The following GLI2 variants were observed in gnomAD, a reference collection of about 807,000 sequenced individuals.
The protein encoded by GLI2 is GLI family zinc finger 2.
A neutral mutation model predicts 78.9 loss-of-function variants in GLI2; 22 were observed. The ratio of observed to expected loss-of-function variants is 0.28; its 90% confidence interval spans 0.20 to 0.40. GLI2 has a LOEUF of 0.40. Among genes scored for constraint, GLI2 ranks in the 10% least tolerant of loss-of-function variants. GLI2 has a pLI of 1.00. For synonymous variants in GLI2, 974 were observed against 963.7 expected (o/e 1.01, Z -0.20); for missense variants, 2,097 against 2,213.2 (o/e 0.95, Z 1.05).
At chr2:120,927,996 C>T (rs1679771933) in intron 3 of GLI2, among the ~76,000 whole-genome samples, 1 of 152,194 alleles carries the variant, frequency 6.6e-6, no homozygotes, top group Non-Finnish European at 1.5e-5. Context: ...TGGTCTCCAC[C>T]TGCCTAACCC....
chr2:120,860,231 T>C (rs529404696), intron 2 of GLI2, among the ~76,000 whole-genome samples: 6 of 152,042 alleles, frequency 3.9e-5, no homozygotes, highest in African/African-American at 1.4e-4. Flanking sequence ...CAGTTTCAGG[T>C]GTTTAGAGTA....
At chr2:120,743,827 A>G (rs1682621153) in intron 1 of GLI2, among the ~76,000 whole-genome samples, 1 of 152,208 alleles carries the variant, frequency 6.6e-6, no homozygotes, top group South Asian at 2.1e-4. Flanking sequence ...CACCCTGCCC[A>G]CTGGACAGCC....
At chr2:120,887,886 G>T (rs894444323) in intron 2 of GLI2, among the ~76,000 whole-genome samples, 4 of 152,198 alleles carry the variant, frequency 2.6e-5, no homozygotes, top group African/African-American at 7.2e-5. Flanking sequence ...TATGACAGGC[G>T]CTAAGAAGCT....
At chr2:120,977,711 C>G (rs1682522984) in intron 9 of GLI2, among the ~76,000 whole-genome samples, 1 of 152,188 alleles carries the variant, frequency 6.6e-6, no homozygotes, top group Non-Finnish European at 1.5e-5. Context: ...CGCTGGCTGT[C>G]CCAACTCACT....
intron 5 of GLI2, among the ~76,000 whole-genome samples, chr2:120,962,588 C>T (rs573300244): frequency 6.6e-6 from 1 of 152,318 alleles, no homozygotes; most frequent in South Asian, 2.1e-4. Context: ...TGGCCAGTCA[C>T]CCGTGGCCGA....
intron 2 of GLI2, among the ~76,000 whole-genome samples, chr2:120,912,492 G>T (rs1443033128): frequency 6.6e-6 from 1 of 152,120 alleles, no homozygotes; most frequent in East Asian, 1.9e-4. Flanking sequence ...CCTGCTGGTG[G>T]ACACCGTATC....
At chr2:120,897,410 G>A (rs564094432) in intron 2 of GLI2, among the ~76,000 whole-genome samples, 4 of 152,318 alleles carry the variant, frequency 2.6e-5, no homozygotes, top group Admixed American at 6.5e-5. Context: ...AGCAATAAAG[G>A]TGATCACAGT....
In GLI2 at chr2:120,832,563, C is replaced by T. The variant is rs555079114; in HGVS notation, c.148+35095C>T. The stretch of plus-strand genomic sequence containing the variant: ...GGGCCCTTGTAAGGGAACAATATGT[C>T]CCTCTCCCACCCCCAGCCCAGGGCT... On this transcript the variant is annotated intron_variant, in intron 2 of 13. Coordinates refer to ENST00000361492, the MANE Select transcript of GLI2 (RefSeq NM_001374353.1). Among the ~76,000 whole-genome samples, 45 of 152,286 alleles carry T rather than the reference C, an allele frequency of 3.0e-4. 1 individual carries two copies. The South Asian group carries it at 9.3e-3, about 32-fold the overall frequency.
intron 1 of GLI2, among the ~76,000 whole-genome samples, chr2:120,789,353 C>CT (rs932455193): frequency 9.9e-5 from 15 of 151,496 alleles, no homozygotes; most frequent in South Asian, 2.1e-4. Context: ...TGTGGGAACG[C>CT]TTTTTTTTTC....
chr2:120,749,849 C>A (rs1444688613), intron 1 of GLI2, among the ~76,000 whole-genome samples: 1 of 152,174 alleles, frequency 6.6e-6, no homozygotes. Context: ...GACCAAGTGC[C>A]GCATCAGCCC....
intron 1 of GLI2, among the ~76,000 whole-genome samples, chr2:120,793,480 T>G (rs1244927933): frequency 6.6e-6 from 1 of 152,228 alleles, no homozygotes; most frequent in Non-Finnish European, 1.5e-5. Context: ...TTGACGGGCC[T>G]GCCTCAGATG....
At chr2:120,768,126 G>T (rs1050890030) in intron 1 of GLI2, among the ~76,000 whole-genome samples, 1 of 152,240 alleles carries the variant, frequency 6.6e-6, no homozygotes, top group Non-Finnish European at 1.5e-5. Context: ...AAAAGCTGCA[G>T]CATCTACCCT....
chr2:120,866,116 C>G (rs4848645), intron 2 of GLI2, among the ~76,000 whole-genome samples: 19,772 of 152,280 alleles, frequency 0.13, 1,440 homozygotes, highest in Non-Finnish European at 0.16. Context: ...CATAGCCCCC[C>G]GCCTCCTGCA....
chr2:120,940,331 A>T (rs1172126528), intron 3 of GLI2, among the ~76,000 whole-genome samples: 1 of 152,070 alleles, frequency 6.6e-6, no homozygotes, highest in Non-Finnish European at 1.5e-5. Flanking sequence ...TTCTCCTCCC[A>T]CCCAGATGTC....
chr2:120,888,084 G>A (rs558765437), intron 2 of GLI2, among the ~76,000 whole-genome samples: 7 of 152,294 alleles, frequency 4.6e-5, no homozygotes, highest in East Asian at 1.9e-4. Flanking sequence ...TGAGCCTTGC[G>A]TGGGACCTGT....
chr2:120,820,634 C>T (rs1465783754), intron 2 of GLI2, among the ~76,000 whole-genome samples: 1 of 152,180 alleles, frequency 6.6e-6, no homozygotes, highest in African/African-American at 2.4e-5. Context: ...AGTGTGTGGA[C>T]GTGTGTGCAC....
At chr2:120,764,435 T>A (rs905377404) in intron 1 of GLI2, among the ~76,000 whole-genome samples, 39 of 152,130 alleles carry the variant, frequency 2.6e-4, no homozygotes, top group African/African-American at 6.5e-4. Context: ...TTTAATCTTT[T>A]AAAAAAAAGA....
At chr2:120,899,769 T>C (rs1678164172) in intron 2 of GLI2, among the ~76,000 whole-genome samples, 1 of 152,180 alleles carries the variant, frequency 6.6e-6, no homozygotes, top group African/African-American at 2.4e-5. Flanking sequence ...TCGATGAAAA[T>C]ACGCTTTAGA....
At chr2:120,828,878 G>C (rs375334730) in intron 2 of GLI2, among the ~76,000 whole-genome samples, 1 of 35,084 alleles carries the variant, frequency 2.9e-5, no homozygotes, top group African/African-American at 8.1e-5. Context: ...AAAAAAAAAA[G>C]ATCATCCACA....
Sources: allele counts gnomAD v4.1 joint callset (sites outside exome capture counted in the v4.1 genomes callset), GRCh38; gene constraint gnomAD v4.1.1; transcripts MANE v1.5; gene names NCBI Gene and HGNC (gene_info 2026-07-23, HGNC 2026-07-21).